Variants in SMC4 observed in about 807,000 individuals in gnomAD.
SMC4 encodes structural maintenance of chromosomes protein 4.
Under a neutral mutation model 145.6 loss-of-function variants are expected in SMC4, and 87 were observed. The observed-to-expected ratio is 0.60, with a 90% CI of 0.50 to 0.71. SMC4 has a LOEUF of 0.71. Ranked by LOEUF, SMC4 falls within the 30% of genes least tolerant of loss-of-function variation. SMC4 has a pLI of 0.00. For synonymous variants in SMC4, 558 were observed against 500.7 expected, an observed-to-expected ratio of 1.11 and a Z score of -1.53; for missense variants, 1,447 against 1,537.1, an observed-to-expected ratio of 0.94 and a Z score of 0.98.
Position 160,423,639 on chromosome 3 carries a change from T to C in SMC4, c.2234T>C (p.Ile745Thr), listed in dbSNP as rs1350390154. Residue 745 changes from isoleucine to threonine, a missense_variant, in exon 14 of 24, where the codon ATA (isoleucine) becomes ACA (threonine). Physicochemically the swap from Ile to Thr is moderately conservative, Grantham distance 89. Coordinates refer to ENST00000357388, the MANE Select transcript of SMC4 (RefSeq NM_001002800.3). ...GTGGTAACTTTACAGGGACAAATCATAGAACAGTCAGGTAATAGTGTTTTT... is the reference window on the plus strand; with the variant it reads ...GTGGTAACTTTACAGGGACAAATCACAGAACAGTCAGGTAATAGTGTTTTT... The part of the protein sequence containing the change: ...WRVVTLQGQI[I>T]EQSGTMTGGG... 1.2e-6 allele frequency: 2 copies of C among 1,611,434 alleles called. No homozygotes were observed. Among genetic ancestry groups the C allele is most frequent in the Non-Finnish European group, 1.7e-6 (2 of 1,178,126 alleles).
At chr3:160,431,369 A>G (rs1217195313) in intron 20 of SMC4, among the ~76,000 whole-genome samples, 164 bp downstream of exon 20, 1 of 152,192 alleles carries the variant, frequency 6.6e-6, no homozygotes, top group Admixed American at 6.5e-5. Context: ...GGACATAACA[A>G]TATAAATTGT....
chr3:160,430,847 T>A, intron 19 of SMC4, 104 bp downstream of exon 19: 1 of 1,325,058 alleles, frequency 7.5e-7, no homozygotes, highest in African/African-American at 1.5e-5. Context: ...CTCATAGACT[T>A]AAAGTTTTAT....
In SMC4 at chr3:160,400,911, G is replaced by A; in HGVS notation, c.85G>A (p.Asp29Asn). Reference sequence around the variant, plus strand: ...GCCGTCCCCTGACGGCGCCAGCAGCGACGCGGAGCCTGAGCCGCCGTCCGG... The same window carrying A: ...GCCGTCCCCTGACGGCGCCAGCAGCAACGCGGAGCCTGAGCCGCCGTCCGG... ...PPPSPDGASS[D>N]AEPEPPSGRT... The change falls in exon 2 of 24, where the codon GAC becomes AAC. Residue 29 changes from aspartate (D) to asparagine (N), a missense_variant. Transcript: ENST00000357388. The A allele has an allele frequency of 1.3e-6, 2 of 1,494,170 alleles. No individual in the cohort carries two copies. The highest frequency in any genetic ancestry group is 2.5e-5 in the South Asian group (2 of 80,182). 92.6% of individuals were successfully genotyped at this position (1,494,170 alleles called of 1,614,324 possible).
intron 18 of SMC4, 34 bp from the exon 19 acceptor site, chr3:160,430,565 A>G: frequency 6.6e-7 from 1 of 1,517,052 alleles, no homozygotes; most frequent in Middle Eastern, 1.8e-4. Context: ...AAATCACCTT[A>G]CCACATTTTT....
chr3:160,424,511 A>G (rs1195905869), intron 15 of SMC4, among the ~76,000 whole-genome samples: 1 of 152,120 alleles, frequency 6.6e-6, no homozygotes, highest in African/African-American at 2.4e-5. Flanking sequence ...TCTGGTCTTT[A>G]AGATCAGAAG....
rs554202743 is a variant in SMC4 at position 160,434,164 on chromosome 3, G to A, written c.*355G>A. ...CCTTTGATTTACCAACACTGGAAATGCCTGCCAACTAATCTTGGATAGATT... is the reference window on the plus strand; with the variant it reads ...CCTTTGATTTACCAACACTGGAAATACCTGCCAACTAATCTTGGATAGATT... On this transcript the variant is annotated 3_prime_UTR_variant, in exon 24 of 24. Transcript: ENST00000357388. 1.3e-4 allele frequency: 23 copies of A among 173,096 alleles called. No homozygotes were observed. In the South Asian group the frequency reaches 3.0e-3, roughly 22 times the overall value. The allele number at this position is 173,096 out of a possible 1,614,324, so 10.7% of individuals were successfully genotyped here.
intron 4 of SMC4, among the ~76,000 whole-genome samples, chr3:160,403,563 T>C (rs982862077): frequency 1.6e-4 from 24 of 152,228 alleles, no homozygotes; most frequent in Admixed American, 1.2e-3. Flanking sequence ...TTCGTTTTCC[T>C]TTTTTTAATA....
chr3:160,409,323 AC>A (rs763384392), intron 5 of SMC4, among the ~76,000 whole-genome samples: 54 of 144,020 alleles, frequency 3.7e-4, no homozygotes, highest in South Asian at 1.1e-3. Flanking sequence ...TTGAGATGTA[AC>A]TATTTTGCTT....
chr3:160,431,683 T>C lies in SMC4; in HGVS notation c.3155T>C (p.Ile1052Thr). The change falls in exon 21 of 24, where the codon ATT becomes ACT. Residue 1052 changes from isoleucine to threonine, a missense_variant. Physicochemically the swap from Ile to Thr is moderately conservative, Grantham distance 89. Coordinates refer to ENST00000357388, the MANE Select transcript of SMC4 (RefSeq NM_001002800.3). ...CTGCATCCTATAGAAGATAATCCTA[T>C]TGAAGAGATTTCGGTTCTAAGCCCA... ...ISLHPIEDNP[I>T]EEISVLSPED... 3.1e-6 allele frequency: 5 copies of C among 1,610,094 alleles called. No individual in the cohort carries two copies. The highest frequency in any genetic ancestry group is 4.2e-6 in the Non-Finnish European group (5 of 1,179,138).
At chr3:160,402,505 AACTTGATGTAAG>A in intron 3 of SMC4, among the ~76,000 whole-genome samples, 159 bp from the exon 4 acceptor site, 1 of 152,308 alleles carries the variant, frequency 6.6e-6, no homozygotes. Context: ...TTTAAGAGAG[AACTTGATGTAAG>A]AAAACTCAAG....
intron 13 of SMC4, among the ~76,000 whole-genome samples, chr3:160,421,869 G>A (rs1269567406): frequency 6.6e-6 from 1 of 152,142 alleles, no homozygotes; most frequent in East Asian, 1.9e-4. Flanking sequence ...AAACCCCATA[G>A]ACAGTAACAG....
At chr3:160,412,171 ATACT>A (rs1319917272) in intron 6 of SMC4, 87 bp downstream of exon 6, 37 of 1,463,986 alleles carry the variant, frequency 2.5e-5, no homozygotes, top group African/African-American at 1.4e-4. Flanking sequence ...TCATGTTATA[ATACT>A]TAATGAAGAA....
intron 17 of SMC4, among the ~76,000 whole-genome samples, chr3:160,426,662 G>A (rs1179018195): frequency 1.3e-5 from 2 of 151,896 alleles, no homozygotes; most frequent in Admixed American, 6.5e-5. Context: ...ACATGTAAAT[G>A]TTCTACCAAA....
chr3:160,425,869 G>A (rs1455253997), intron 16 of SMC4, among the ~76,000 whole-genome samples: 1 of 152,134 alleles, frequency 6.6e-6, no homozygotes, highest in African/African-American at 2.4e-5. Flanking sequence ...AAACAGAAAT[G>A]TGGCATTTTA....
intron 13 of SMC4, among the ~76,000 whole-genome samples, chr3:160,422,205 G>C (rs1717258143): frequency 6.6e-6 from 1 of 152,140 alleles, no homozygotes; most frequent in Non-Finnish European, 1.5e-5. Flanking sequence ...CAGTTCTCTT[G>C]GGTATATATA....
chr3:160,424,320 C>T (rs1003712746), intron 15 of SMC4, among the ~76,000 whole-genome samples: 2 of 152,060 alleles, frequency 1.3e-5, no homozygotes, highest in African/African-American at 2.4e-5. Flanking sequence ...TTTTCCCTCC[C>T]GTATTTTGAA....
intron 7 of SMC4, 107 bp downstream of exon 7, chr3:160,412,560 C>G: frequency 1.4e-6 from 2 of 1,397,430 alleles, no homozygotes; most frequent in African/African-American, 2.9e-5. Flanking sequence ...GAAAAAAAAT[C>G]TCTAAATATT....
At chr3:160,413,738 C>T in intron 8 of SMC4, 125 bp downstream of exon 8, 2 of 587,772 alleles carry the variant, frequency 3.4e-6, no homozygotes, top group Non-Finnish European at 5.5e-6. Context: ...GTGGTGGCCC[C>T]CTTAGTGAAA....
intron 8 of SMC4, 115 bp downstream of exon 8, chr3:160,413,728 G>C: frequency 1.6e-6 from 1 of 620,084 alleles, no homozygotes; most frequent in Non-Finnish European, 2.5e-6. Context: ...AGCATATCAA[G>C]TGGTGGCCCC....
Sources: gnomAD v4.1 joint callset for allele counts (sites outside exome capture counted in the v4.1 genomes callset) on GRCh38, gnomAD v4.1.1 for gene constraint, MANE v1.5 for transcripts, NCBI Gene and HGNC (gene_info 2026-07-23, HGNC 2026-07-21) for gene names.